Variants in DOCK2 observed in about 807,000 individuals in gnomAD.
DOCK2 encodes the protein dedicator of cytokinesis protein 2.
Under a neutral mutation model 248.9 loss-of-function variants are expected in DOCK2, and 87 were observed. The observed-to-expected ratio is 0.35, with a 90% confidence interval of 0.29 to 0.42. The LOEUF is 0.42. Ranked by LOEUF, DOCK2 falls within the 10% of genes least tolerant of loss-of-function variation. The pLI is 1.00. For missense variants in DOCK2, 1,747 were observed against 2,300.2 expected, an observed-to-expected ratio of 0.76 and a Z score of 4.92; for synonymous variants, 805 against 821.6, an observed-to-expected ratio of 0.98 and a Z score of 0.35.
intron 22 of DOCK2, among the ~76,000 whole-genome samples, chr5:169,731,616 C>G (rs1260653044): frequency 6.6e-6 from 1 of 152,074 alleles, no homozygotes; most frequent in Non-Finnish European, 1.5e-5. Context: ...GCTATAAAAG[C>G]CATTTGATGT....
At chr5:169,655,977 C>T (rs75760390) in intron 2 of DOCK2, among the ~76,000 whole-genome samples, 2,376 of 152,232 alleles carry the variant, frequency 0.016, 70 homozygotes, top group African/African-American at 0.052. Flanking sequence ...GTTCACACTC[C>T]GGCCCTGTTG....
At chr5:169,825,902 T>A (rs188623026) in intron 26 of DOCK2, among the ~76,000 whole-genome samples, 4 of 151,722 alleles carry the variant, frequency 2.6e-5, no homozygotes, top group Admixed American at 2.6e-4. Context: ...CTTGGTTATA[T>A]GGTGAAAAGT....
intron 22 of DOCK2, among the ~76,000 whole-genome samples, chr5:169,724,739 A>G (rs1302662774): frequency 6.9e-6 from 1 of 144,540 alleles, no homozygotes; most frequent in Non-Finnish European, 1.5e-5. Context: ...GCTTTCTGGT[A>G]CTTTCTTTTG....
intron 27 of DOCK2, among the ~76,000 whole-genome samples, chr5:169,853,409 A>C (rs1335745550): frequency 6.6e-6 from 1 of 152,236 alleles, no homozygotes; most frequent in Admixed American, 6.5e-5. Flanking sequence ...CAAAGGAATC[A>C]ATTCTGTCAA....
At position 169,985,878 on chromosome 5, in the gene DOCK2, C is replaced by T. The variant is rs746458293; in HGVS notation, c.2949C>T (p.Asn983=). ...TGTTCAAGGACCTCATTGGAAAGAA[C>T]GTGTACCCTGGAGACTGGATGGCCA... ...FIMFKDLIGK[N]VYPGDWMAMS... Residue 983 remains asparagine (N), a synonymous_variant, in exon 29 of 52, where the codon AAC becomes AAT. Transcript: ENST00000520908. The T allele has an allele frequency of 4.3e-6, 7 of 1,610,746 alleles. No homozygotes were observed. The Admixed American group carries it at 5.0e-5, about 12-fold the overall frequency.
chr5:170,013,810 T>C (rs181651163), intron 32 of DOCK2, among the ~76,000 whole-genome samples: 1 of 152,262 alleles, frequency 6.6e-6, no homozygotes, highest in African/African-American at 2.4e-5. Flanking sequence ...ACACATCCTC[T>C]ACATGCCAGG....
At chr5:170,064,137 G>A (rs991418345) in intron 44 of DOCK2, among the ~76,000 whole-genome samples, 2 of 152,158 alleles carry the variant, frequency 1.3e-5, no homozygotes, top group African/African-American at 2.4e-5. Context: ...GGATGGCTTG[G>A]TCAGATCCTT....
chr5:169,800,931 C>A (rs376505170), intron 25 of DOCK2, among the ~76,000 whole-genome samples: 2 of 77,632 alleles, frequency 2.6e-5, no homozygotes, highest in Admixed American at 1.3e-4. Context: ...TTTCTTTTTT[C>A]TTTTCTTTCT....
chr5:169,890,192 G>T (rs535539953), intron 27 of DOCK2, among the ~76,000 whole-genome samples: 1 of 152,200 alleles, frequency 6.6e-6, no homozygotes, highest in Non-Finnish European at 1.5e-5. Context: ...TAGCTGGCCA[G>T]ACATCTAATT....
chr5:169,869,788 C>A (rs999190188), intron 27 of DOCK2, among the ~76,000 whole-genome samples: 2 of 152,200 alleles, frequency 1.3e-5, no homozygotes, highest in Admixed American at 6.5e-5. Flanking sequence ...GCCCAAGGAT[C>A]CAAATAGCAC....
chr5:169,932,314 T>C (rs528159155), intron 27 of DOCK2, among the ~76,000 whole-genome samples: 2 of 151,486 alleles, frequency 1.3e-5, no homozygotes, highest in African/African-American at 4.8e-5. Context: ...CTGCATGGAG[T>C]GGGATCTAAG....
chr5:169,836,806 C>T (rs1284591854), intron 26 of DOCK2, among the ~76,000 whole-genome samples: 1 of 151,740 alleles, frequency 6.6e-6, no homozygotes, highest in Non-Finnish European at 1.5e-5. Context: ...GATTTCTCTA[C>T]TTGGTATCAT....
chr5:169,952,083 C>A lies in DOCK2; in HGVS notation c.2800-30985C>A, dbSNP rs1202551372. On this transcript the variant is annotated intron_variant, in intron 27 of 51. Coordinates refer to ENST00000520908, the MANE Select transcript of DOCK2 (RefSeq NM_004946.3). ...TTTGTTACCTAAGCCCCAAGGGTTTCTCCTACCATTTCAGAGAGATAGAAG... is the reference window on the plus strand; with the variant it reads ...TTTGTTACCTAAGCCCCAAGGGTTTATCCTACCATTTCAGAGAGATAGAAG... 3.3e-5 allele frequency among the ~76,000 whole-genome samples: 5 copies of A among 152,216 alleles called. No individual in the cohort carries two copies. In the East Asian group the frequency reaches 9.6e-4, roughly 29 times the overall value.
intron 27 of DOCK2, among the ~76,000 whole-genome samples, chr5:169,913,829 T>C (rs2113628398): frequency 6.6e-6 from 1 of 152,348 alleles, no homozygotes; most frequent in East Asian, 1.9e-4. Context: ...AACTACAATG[T>C]TGATCCCATT....
chr5:169,898,049 G>A (rs1283824584), intron 27 of DOCK2, among the ~76,000 whole-genome samples: 1 of 152,210 alleles, frequency 6.6e-6, no homozygotes, highest in Non-Finnish European at 1.5e-5. Flanking sequence ...ATTGTGAGTG[G>A]ATTTGGGGAG....
intron 29 of DOCK2, among the ~76,000 whole-genome samples, chr5:169,995,607 A>G (rs1403580651): frequency 6.6e-6 from 1 of 152,284 alleles, no homozygotes. Flanking sequence ...AGGCTGTGAA[A>G]CAGCATTTGT....
intron 2 of DOCK2, among the ~76,000 whole-genome samples, chr5:169,666,313 T>A (rs1303877959): frequency 2.0e-5 from 3 of 152,162 alleles, no homozygotes; most frequent in Non-Finnish European, 4.4e-5. Context: ...ACATCAGGTG[T>A]CAGAATTGCA....
At chr5:170,079,618 A>C in intron 49 of DOCK2, 1 of 168,826 alleles carries the variant, frequency 5.9e-6, no homozygotes, top group East Asian at 1.5e-4. Flanking sequence ...TGGCTTTGAG[A>C]GTGTTGGTCT....
intron 27 of DOCK2, among the ~76,000 whole-genome samples, chr5:169,870,769 A>G (rs1445967060): frequency 6.6e-6 from 1 of 152,100 alleles, no homozygotes. Flanking sequence ...GGAAGATAGG[A>G]AGGTTGTTGC....
Sources: allele counts gnomAD v4.1 joint callset (sites outside exome capture counted in the v4.1 genomes callset), GRCh38; gene constraint gnomAD v4.1.1; transcripts MANE v1.5; gene names NCBI Gene and HGNC (gene_info 2026-07-23, HGNC 2026-07-21).